The following ADGRD1 variants were observed in gnomAD, a reference collection of about 807,000 sequenced individuals.
ADGRD1 encodes the protein G-protein coupled receptor 133.
A neutral mutation model predicts 113.4 loss-of-function variants in ADGRD1; 77 were observed. That is an observed-to-expected ratio of 0.68 (90% CI 0.57 to 0.82). The LOEUF (loss-of-function observed/expected upper bound fraction) is 0.82, where lower values mean the gene tolerates loss of function less well. Among genes scored for constraint, ADGRD1 ranks in the 40% least tolerant of loss-of-function variants. The probability of loss-of-function intolerance (pLI) is 0.00; values close to 1 mark genes in which losing one functional copy is unlikely to be tolerated. For missense variants in ADGRD1, 1,036 were observed against 1,139.1 expected, an observed-to-expected ratio of 0.91 and a Z score of 1.30; for synonymous variants, 474 against 475.0, an observed-to-expected ratio of 1.00 and a Z score of 0.03.
intron 12 of ADGRD1, among the ~76,000 whole-genome samples, chr12:131,013,270 C>T (rs1046615657): frequency 6.6e-6 from 1 of 152,110 alleles, no homozygotes; most frequent in Non-Finnish European, 1.5e-5. Context: ...TATTGGATCA[C>T]GTAAGCCGAG....
chr12:130,962,495 C>T (rs1047673534), intron 2 of ADGRD1: 1 of 151,968 alleles, frequency 6.6e-6, no homozygotes, highest in African/African-American at 2.4e-5. Flanking sequence ...ATTTTTTTTC[C>T]CAGATGACTT....
chr12:131,136,016 A>G (rs1951071981), intron 21 of ADGRD1, 21 bp from the exon 22 acceptor site: 2 of 1,613,750 alleles, frequency 1.2e-6, no homozygotes, highest in Non-Finnish European at 1.7e-6. Flanking sequence ...ACTCAGGGTG[A>G]CTGTCACTGT....
chr12:131,088,009 TCTC>T (rs1886614100), intron 15 of ADGRD1, among the ~76,000 whole-genome samples: 1 of 152,156 alleles, frequency 6.6e-6, no homozygotes, highest in Non-Finnish European at 1.5e-5. Flanking sequence ...GGGCTCCGTT[TCTC>T]CTCTCCCCTC....
chr12:130,986,895 G>C (rs1873757852), intron 5 of ADGRD1, 200 bp from the exon 6 acceptor site: 1 of 574,888 alleles, frequency 1.7e-6, no homozygotes, highest in Admixed American at 3.1e-5. Flanking sequence ...TAGGGCATAA[G>C]GACAAAAAGA....
At chr12:131,014,980 C>T (rs114232356) in intron 13 of ADGRD1, among the ~76,000 whole-genome samples, 533 of 152,358 alleles carry the variant, frequency 3.5e-3, no homozygotes, top group African/African-American at 0.012. Context: ...CGCTGTTCCC[C>T]ACGCCAGGTT....
chr12:131,137,465 G>C (rs111232912), intron 23 of ADGRD1, among the ~76,000 whole-genome samples: 5 of 152,350 alleles, frequency 3.3e-5, no homozygotes, highest in South Asian at 2.1e-4. Context: ...TACTTGGCTG[G>C]GGGGAGGTAG....
intron 6 of ADGRD1, chr12:130,989,225 CT>C (rs1874067987): frequency 6.6e-6 from 1 of 152,184 alleles, no homozygotes; most frequent in Non-Finnish European, 1.5e-5. Context: ...CAAGATATCA[CT>C]TGTATTTATG....
intron 11 of ADGRD1, among the ~76,000 whole-genome samples, chr12:131,004,707 C>T (rs1417818109): frequency 6.6e-6 from 1 of 152,200 alleles, no homozygotes; most frequent in African/African-American, 2.4e-5. Flanking sequence ...ACCTCCCCTT[C>T]CTGCTCAGGT....
chr12:131,047,709 G>A (rs569221885), intron 13 of ADGRD1, among the ~76,000 whole-genome samples: 58 of 152,318 alleles, frequency 3.8e-4, no homozygotes, highest in Non-Finnish European at 7.4e-4. Context: ...GCGTGGCTCT[G>A]GGGGTTGGGT....
chr12:131,052,223 C>T lies in ADGRD1; in HGVS notation c.1474-24578C>T, dbSNP rs767186272. Among the ~76,000 whole-genome samples the T allele has an allele frequency of 3.8e-4, 58 of 152,124 alleles. 1 individual carries two copies. The highest frequency in any genetic ancestry group is 3.4e-3 in the Middle Eastern group (1 of 294). ...CTCTGCCTGGGAACACTGGGCTGTG[C>T]GAGCCACTCCCGGGGCTCATTTTCT... On this transcript the variant is annotated intron_variant, in intron 13 of 24. Transcript: ENST00000261654.
chr12:131,086,930 G>A (rs2137226511), intron 15 of ADGRD1, among the ~76,000 whole-genome samples: 1 of 152,198 alleles, frequency 6.6e-6, no homozygotes, highest in East Asian at 1.9e-4. Context: ...TTTAGAGACA[G>A]GGTCTCACCC....
At chr12:130,991,730 G>A (rs558017223) in intron 7 of ADGRD1, among the ~76,000 whole-genome samples, 50 of 152,248 alleles carry the variant, frequency 3.3e-4, no homozygotes, top group African/African-American at 1.0e-3. Context: ...GCTGGGTGTG[G>A]TGGTTGCACC....
At chr12:131,043,455 C>A (rs1394806496) in intron 13 of ADGRD1, among the ~76,000 whole-genome samples, 1 of 152,248 alleles carries the variant, frequency 6.6e-6, no homozygotes, top group Non-Finnish European at 1.5e-5. Flanking sequence ...ACGCTCACTG[C>A]CCTGGCAAAA....
Position 130,976,674 on chromosome 12 carries a change from G to C in ADGRD1, c.310+5094G>C, listed in dbSNP as rs553181478. 2 of 152,220 alleles carry C rather than the reference G, an allele frequency of 1.3e-5. 1 individual carries two copies. The highest frequency in any genetic ancestry group is 4.1e-4 in the South Asian group (2 of 4,822). The allele number at this position is 152,220 out of a possible 1,614,324, so 9.4% of individuals were successfully genotyped here. ...GGATCCAAATACCCCAGCCCACGAGGTTTCCAGAAATGGAATTTCTCCCGG... is the reference window on the plus strand; with the variant it reads ...GGATCCAAATACCCCAGCCCACGAGCTTTCCAGAAATGGAATTTCTCCCGG... On this transcript the variant is annotated intron_variant, in intron 4 of 24. Coordinates refer to ENST00000261654, the MANE Select transcript of ADGRD1 (RefSeq NM_198827.5).
At chr12:130,997,324 G>A (rs368310454) in intron 8 of ADGRD1, among the ~76,000 whole-genome samples, 7,712 of 149,936 alleles carry the variant, frequency 0.051, 209 homozygotes, top group Middle Eastern at 0.099. Context: ...CCTCCCTCCC[G>A]GACGGGGTGG....
chr12:131,105,204 G>A (rs1160332540), intron 16 of ADGRD1, among the ~76,000 whole-genome samples: 2 of 152,250 alleles, frequency 1.3e-5, no homozygotes, highest in East Asian at 3.8e-4. Flanking sequence ...CAGGCGTGTG[G>A]TCGGCTTTGA....
chr12:130,988,268 C>A (rs898989474), intron 6 of ADGRD1: 1 of 152,208 alleles, frequency 6.6e-6, no homozygotes, highest in Non-Finnish European at 1.5e-5. Flanking sequence ...CTTTCCCCTA[C>A]AATTCCATTT....
At chr12:131,094,271 T>C (rs1045959508) in intron 15 of ADGRD1, among the ~76,000 whole-genome samples, 10 of 151,330 alleles carry the variant, frequency 6.6e-5, no homozygotes, top group Admixed American at 5.9e-4. Flanking sequence ...CCCCTGAGAG[T>C]GGAGTGGGAG....
intron 23 of ADGRD1, among the ~76,000 whole-genome samples, chr12:131,137,351 C>T (rs926066261): frequency 1.3e-5 from 2 of 152,230 alleles, no homozygotes; most frequent in Non-Finnish European, 2.9e-5. Flanking sequence ...CTTCTGTCCA[C>T]GGGAGCTGGG....
Sources: allele counts gnomAD v4.1 joint callset (sites outside exome capture counted in the v4.1 genomes callset), GRCh38; gene constraint gnomAD v4.1.1; transcripts MANE v1.5; gene names NCBI Gene and HGNC (gene_info 2026-07-23, HGNC 2026-07-21).